Variants in MYBPH observed in about 807,000 individuals in gnomAD.
MYBPH encodes myosin binding protein H, also known as myosin-binding protein H.
MYBPH carries 49 observed loss-of-function variants against 53.6 expected under a neutral mutation model. That is an observed-to-expected ratio of 0.91 (90% CI 0.73 to 1.16). The LOEUF is 1.16. MYBPH is among the 50% of genes most tolerant of loss of function. The pLI is 0.00. For missense variants in MYBPH, 558 were observed against 624.1 expected, an observed-to-expected ratio of 0.89 and a Z score of 1.13; for synonymous variants, 239 against 249.6, an observed-to-expected ratio of 0.96 and a Z score of 0.40.
intron 7 of MYBPH, among the ~76,000 whole-genome samples, chr1:203,169,882 C>G (rs1390462712): frequency 1.3e-5 from 2 of 152,148 alleles, no homozygotes; most frequent in African/African-American, 4.8e-5. Flanking sequence ...ACTCCTATCT[C>G]TCTTGTCCAT....
At chr1:203,168,877 C>T (rs560969321) in intron 9 of MYBPH, 29 bp downstream of exon 9, 2 of 1,612,070 alleles carry the variant, frequency 1.2e-6, no homozygotes, top group African/African-American at 1.3e-5. Context: ...GAGGTGCTTA[C>T]TCCTGTTCTC....
In MYBPH at chr1:203,171,535, G is replaced by A. The variant is rs1396638229; in HGVS notation, c.641C>T (p.Ala214Val). ...PQATWTHNGH[A>V]LDSQRVSMRT... ...CATGCTCACCCGCTGGCTGTCCAGG[G>A]CATGGCCGTTGTGGGTCCATGTGGC... The change falls in exon 5 of 11, where the codon GCC becomes GTC. Residue 214 changes from alanine to valine, a missense_variant. By Grantham distance (64) the Ala-to-Val change is moderately conservative. Transcript: ENST00000255416. This position sits in a 1 kb window ranked among gnomAD's most constrained non-coding sequence, Gnocchi z 4.2. 3 of 1,613,538 alleles carry A rather than the reference G, an allele frequency of 1.9e-6. No individual in the cohort carries two copies. The highest frequency in any genetic ancestry group is 8.5e-7 in the Non-Finnish European group (1 of 1,179,922).
At chr1:203,178,059 T>C (rs1411259992), upstream of MYBPH, among the ~76,000 whole-genome samples, 2 of 152,216 alleles carry the variant, frequency 1.3e-5, no homozygotes, top group Admixed American at 6.5e-5. Flanking sequence ...TCACAGATAA[T>C]CCAAACATCA....
rs1355479271 is a variant in MYBPH at position 203,169,389 on chromosome 1, T to A, written c.1094A>T (p.Asp365Val). ...TKELAHIQKA[D>V]IAAKPKGFIE... The stretch of plus-strand genomic sequence containing the variant: ...AAACCCTTTAGGTTTGGCAGCAATA[T>A]CTGGGTTCAGGGGAGAAAGTCGGGT... The change falls in exon 8 of 11, where the codon GAT becomes GTT. Residue 365 changes from aspartate (D) to valine (V), a missense_variant and splice_region_variant. Transcript: ENST00000255416. The A allele has an allele frequency of 6.4e-7, 1 of 1,565,586 alleles. No homozygotes were observed. Among genetic ancestry groups the A allele is most frequent in the South Asian group, 1.2e-5 (1 of 85,916 alleles).
Position 203,171,579 on chromosome 1 carries a change from C to T in MYBPH, c.598-1G>A. 2 of 1,610,332 alleles carry T rather than the reference C, an allele frequency of 1.2e-6. No homozygotes were observed. The highest frequency in any genetic ancestry group is 1.7e-6 in the Non-Finnish European group (2 of 1,178,988). Reference sequence around the variant, plus strand: ...ATGTGGCCTGAGGCTTAGGCTTCCCCTGGCAGGGAGGAGCCCCCAGGGTGA... The same window carrying T: ...ATGTGGCCTGAGGCTTAGGCTTCCCTTGGCAGGGAGGAGCCCCCAGGGTGA... On this transcript the variant is annotated splice_acceptor_variant, in intron 4 of 10. Transcript: ENST00000255416. LOFTEE classifies it high-confidence loss of function. The surrounding 1 kb of genome is among the most constrained non-coding windows in gnomAD (Gnocchi z 4.2).
intron 3 of MYBPH, 70 bp from the exon 4 acceptor site, chr1:203,172,110 AG>A (rs1571821701): frequency 1.0e-6 from 1 of 978,236 alleles, no homozygotes; most frequent in East Asian, 3.2e-5. Context: ...GAGATGGGGC[AG>A]GGGACAGCTG....
chr1:203,178,317 G>A (rs1655855236), upstream of MYBPH, among the ~76,000 whole-genome samples: 3 of 152,326 alleles, frequency 2.0e-5, no homozygotes, highest in South Asian at 6.2e-4. Flanking sequence ...TAGGGGAGGG[G>A]TGAACAGAAC....
chr1:203,169,175 A>G, intron 8 of MYBPH, 78 bp downstream of exon 8: 1 of 1,579,888 alleles, frequency 6.3e-7, no homozygotes, highest in Non-Finnish European at 8.6e-7. Flanking sequence ...TTAGGTGTGG[A>G]CGCCCGGAGG....
intron 10 of MYBPH, 135 bp from the exon 11 acceptor site, chr1:203,168,226 C>G (rs948089364): frequency 3.5e-6 from 1 of 287,498 alleles, no homozygotes; most frequent in South Asian, 3.2e-5. Flanking sequence ...ATGCCCAGGT[C>G]TGAGCTCTGC....
In MYBPH at chr1:203,170,369, G is replaced by T; in HGVS notation, c.1015C>A (p.Arg339=). The T allele has an allele frequency of 1.2e-6, 2 of 1,614,178 alleles. No individual in the cohort carries two copies. The highest frequency in any genetic ancestry group is 1.7e-6 in the Non-Finnish European group (2 of 1,180,014). The change falls in exon 7 of 11, where the codon CGG becomes AGG. Residue 339 remains arginine (R), a synonymous_variant. Coordinates refer to ENST00000255416, the MANE Select transcript of MYBPH (RefSeq NM_004997.3). ...DLIIGNSYSF[R]VFSENLCGLS... ...CCACACAGGTTTTCTGAGAAGACCCGGAAGGAGTACGAGTTGCCGATGATG... is the reference window on the plus strand; with the variant it reads ...CCACACAGGTTTTCTGAGAAGACCCTGAAGGAGTACGAGTTGCCGATGATG...
At position 203,168,899 on chromosome 1, in the gene MYBPH, C is replaced by T; in HGVS notation, c.1417+7G>A. 6.2e-7 allele frequency: 1 copy of T among 1,613,774 alleles called. No homozygotes were observed. Among genetic ancestry groups the T allele is most frequent in the African/African-American group, 1.3e-5 (1 of 75,036 alleles). On this transcript the variant is annotated splice_region_variant and intron_variant, in intron 9 of 10. Coordinates refer to ENST00000255416, the MANE Select transcript of MYBPH (RefSeq NM_004997.3). ...TTACTCCTGTTCTCCCGTCCTCAAA[C>T]TCTCACCTTTGACCTCCAGCCGGCA...
chr1:203,176,207 G>C (rs1489345922), upstream of MYBPH, among the ~76,000 whole-genome samples: 1 of 152,216 alleles, frequency 6.6e-6, no homozygotes, highest in Non-Finnish European at 1.5e-5. Context: ...CTCAGACTGG[G>C]TGCTGGGGCC....
At chr1:203,170,474 T>C in intron 6 of MYBPH, 24 bp from the exon 7 acceptor site, 1 of 1,611,164 alleles carries the variant, frequency 6.2e-7, no homozygotes, top group Non-Finnish European at 8.5e-7. Context: ...GGTGTCACCC[T>C]CATTTCTCAC....
At chr1:203,169,445 T>C in intron 7 of MYBPH, 56 bp from the exon 8 acceptor site, 1 of 1,545,418 alleles carries the variant, frequency 6.5e-7, no homozygotes, top group Non-Finnish European at 8.8e-7. Context: ...GAGGGAGACC[T>C]GTCAGGACTG....
intron 3 of MYBPH, among the ~76,000 whole-genome samples, chr1:203,173,354 G>A (rs1049735633): frequency 2.0e-5 from 3 of 152,230 alleles, no homozygotes; most frequent in African/African-American, 7.2e-5. Flanking sequence ...CAAAGGCTGG[G>A]AATTAGGGTT....
rs2102190323 is a variant in MYBPH at position 203,171,805 on chromosome 1, T to C, written c.597+147A>G. ...CCATCCACAGGCTGAGAATCACCAA[T>C]GAGTCATGTGCATGATTGCGGAAGG... On this transcript the variant is annotated intron_variant, in intron 4 of 10. Transcript: ENST00000255416. The surrounding 1 kb of genome is among the most constrained non-coding windows in gnomAD (Gnocchi z 4.2). The C allele has an allele frequency of 1.4e-6, 1 of 717,720 alleles. No individual in the cohort carries two copies. Among genetic ancestry groups the C allele is most frequent in the Middle Eastern group, 3.4e-4 (1 of 2,956 alleles). 44.5% of individuals were successfully genotyped at this position (717,720 alleles called of 1,614,324 possible). A position where few individuals can be genotyped will look rare whatever the true frequency, so the allele number is the denominator to read the frequency against.
At chr1:203,169,948 C>T in intron 7 of MYBPH, among the ~76,000 whole-genome samples, 1 of 152,214 alleles carries the variant, frequency 6.6e-6, no homozygotes, top group Non-Finnish European at 1.5e-5. Flanking sequence ...CCCAGCCATG[C>T]GCAGGTCACC....
Position 203,169,293 on chromosome 1 carries a change from T to C in MYBPH, c.1190A>G (p.Tyr397Cys). The C allele has an allele frequency of 1.2e-6, 2 of 1,613,470 alleles. No individual in the cohort carries two copies. Among genetic ancestry groups the C allele is most frequent in the Non-Finnish European group, 1.7e-6 (2 of 1,179,696 alleles). ...GACACTGCAGAACAACTGGGTGCTG[T>C]AGCCAGGGGTGGAGGTGTGGTCAGC... ...PLADHTSTPG[Y>C]STQLFCSVRA... Residue 397 changes from tyrosine (Y) to cysteine (C), a missense_variant, in exon 8 of 11, where the codon TAC (tyrosine) becomes TGC (cysteine). By Grantham distance (194) the Tyr-to-Cys change is radical. Transcript: ENST00000255416.
At position 203,170,395 on chromosome 1, in the gene MYBPH, A is replaced by C. The variant is rs376467645; in HGVS notation, c.989T>G (p.Leu330Arg). ...GAAGGAGTACGAGTTGCCGATGATG[A>C]GGTCAGAGATGGTGCAGGTGGTTGG... ...YHPTTCTISD[L>R]IIGNSYSFRV... The change falls in exon 7 of 11, where the codon CTC (leucine) becomes CGC (arginine). Residue 330 changes from leucine to arginine, a missense_variant. Coordinates refer to ENST00000255416, the MANE Select transcript of MYBPH (RefSeq NM_004997.3). 27 of 1,614,040 alleles carry C rather than the reference A, an allele frequency of 1.7e-5. No individual in the cohort carries two copies. Among genetic ancestry groups the C allele is most frequent in the Non-Finnish European group, 2.2e-5 (26 of 1,180,022 alleles).
Sources: gnomAD v4.1 joint callset for allele counts (sites outside exome capture counted in the v4.1 genomes callset) on GRCh38, gnomAD v4.1.1 for gene constraint, Gnocchi (gnomAD v3.1) non-coding constraint, MANE v1.5 for transcripts, NCBI Gene and HGNC (gene_info 2026-07-23, HGNC 2026-07-21) for gene names.